Variants in PHF12 observed in about 807,000 individuals in gnomAD.
PHF12 encodes PHD factor 1.
In PHF12, 6 loss-of-function variants were observed where a neutral mutation model predicts 99.8. The ratio of observed to expected loss-of-function variants is 0.06; its 90% CI spans 0.03 to 0.12. PHF12 has a LOEUF of 0.12. Ranked by LOEUF, PHF12 falls within the 10% of genes least tolerant of loss-of-function variation. PHF12 has a pLI of 1.00. For missense variants in PHF12, 954 were observed against 1,300.1 expected, an observed-to-expected ratio of 0.73 and a Z score of 4.09; for synonymous variants, 480 against 514.9, an observed-to-expected ratio of 0.93 and a Z score of 0.92.
At chr17:28,927,212 A>G (rs2040296464) in intron 2 of PHF12, 149 bp from the exon 3 acceptor site, 1 of 671,496 alleles carries the variant, frequency 1.5e-6, no homozygotes, top group African/African-American at 1.8e-5. Flanking sequence ...CTAAGTCAGC[A>G]TCACTCATAA....
intron 9 of PHF12, among the ~76,000 whole-genome samples, chr17:28,911,938 A>G (rs558847866): frequency 6.6e-6 from 1 of 152,374 alleles, no homozygotes; most frequent in African/African-American, 2.4e-5. Context: ...TCTGGGCTAG[A>G]ACAATCCCTG....
At chr17:28,942,937 T>C (rs918604325) in intron 2 of PHF12, among the ~76,000 whole-genome samples, 1 of 152,094 alleles carries the variant, frequency 6.6e-6, no homozygotes, top group African/African-American at 2.4e-5. Flanking sequence ...AACTTATATT[T>C]ACAACATATA....
chr17:28,929,000 G>A (rs1183416622), intron 2 of PHF12, among the ~76,000 whole-genome samples: 1 of 151,828 alleles, frequency 6.6e-6, no homozygotes, highest in Non-Finnish European at 1.5e-5. Context: ...GGAGGCCGAG[G>A]CAGGAGAATC....
Position 28,907,573 on chromosome 17 carries a change from G to A in PHF12, c.2541+17C>T, listed in dbSNP as rs778656865. Reference sequence around the variant, plus strand: ...CAGGTTGGGAAAGCTCCCTCCCACCGCATCTCCGGCCCTCACCTCATCGTA... The same window carrying A: ...CAGGTTGGGAAAGCTCCCTCCCACCACATCTCCGGCCCTCACCTCATCGTA... On this transcript the variant is annotated intron_variant, in intron 13 of 14. Coordinates refer to ENST00000332830, the MANE Select transcript of PHF12 (RefSeq NM_001033561.2). 54 of 1,612,612 alleles carry A rather than the reference G, an allele frequency of 3.3e-5. No individual in the cohort carries two copies. The highest frequency in any genetic ancestry group is 3.1e-4 in the East Asian group (14 of 44,842).
Position 28,911,215 on chromosome 17 carries a change from C to T in PHF12, c.2112G>A (p.Thr704=), listed in dbSNP as rs766826853. ...PSSDGKVSPG[T]LSIGSALTVP... ...CGGTTAAAGCGCTTCCTATGGATAA[C>T]GTGCCGGGGCTGACCTTGCCATCTG... The change falls in exon 10 of 15, where the codon ACG becomes ACA. Residue 704 remains threonine, a synonymous_variant. Transcript: ENST00000332830. 5.6e-6 allele frequency: 9 copies of T among 1,613,970 alleles called. No homozygotes were observed. The highest frequency in any genetic ancestry group is 1.6e-4 in the Middle Eastern group (1 of 6,080).
intron 6 of PHF12, 65 bp downstream of exon 6, chr17:28,919,078 T>A: frequency 6.6e-7 from 1 of 1,517,872 alleles, no homozygotes; most frequent in Non-Finnish European, 8.9e-7. Context: ...TTAATATGCT[T>A]TCTGCTAATC....
Position 28,921,462 on chromosome 17 carries a change from C to T in PHF12, c.836+226G>A, listed in dbSNP as rs116057463. Among the ~76,000 whole-genome samples the T allele has an allele frequency of 5.8e-3, 887 of 152,294 alleles. 9 individuals are homozygous for T. Among genetic ancestry groups the T allele is most frequent in the African/African-American group, 0.02 (830 of 41,564 alleles). On this transcript the variant is annotated intron_variant, in intron 5 of 14. Coordinates refer to ENST00000332830, the MANE Select transcript of PHF12 (RefSeq NM_001033561.2). The stretch of plus-strand genomic sequence containing the variant: ...GATTACAGGCATAAGCCACCGTGCT[C>T]GGCCTCAACACAGTTCACAGTACTC...
intron 2 of PHF12, among the ~76,000 whole-genome samples, chr17:28,930,845 T>C (rs552860330): frequency 1.3e-5 from 2 of 151,938 alleles, no homozygotes; most frequent in Non-Finnish European, 2.9e-5. Flanking sequence ...CCGAGGTGGG[T>C]GGATTGCTTG....
intron 2 of PHF12, among the ~76,000 whole-genome samples, chr17:28,948,703 T>C (rs1287246841): frequency 6.6e-6 from 1 of 151,572 alleles, no homozygotes; most frequent in African/African-American, 2.4e-5. Context: ...AACCGAGAGA[T>C]GGAACGTGAA....
intron 10 of PHF12, 85 bp downstream of exon 10, chr17:28,911,026 TC>T: frequency 6.4e-7 from 1 of 1,571,512 alleles, no homozygotes; most frequent in Non-Finnish European, 8.7e-7. Context: ...GTCCCTTCCC[TC>T]CCTTTCTGAA....
intron 10 of PHF12, 89 bp from the exon 11 acceptor site, chr17:28,910,458 A>C (rs2152656259): frequency 6.9e-7 from 1 of 1,444,888 alleles, no homozygotes; most frequent in Middle Eastern, 2.6e-4. Flanking sequence ...ATAGTTTGGC[A>C]TTTCTAAAAT....
Position 28,906,163 on chromosome 17 carries a change from T to C in PHF12, c.*20A>G, listed in dbSNP as rs777980282. 4.6e-6 allele frequency: 7 copies of C among 1,538,038 alleles called. No individual in the cohort carries two copies. Among genetic ancestry groups the C allele is most frequent in the Non-Finnish European group, 2.6e-6 (3 of 1,137,378 alleles). ...AGTCTTGGGTGGGTGTACAGGCCAG[T>C]GGCGGGGTAGCCGCCAGTCCTAAGG... On this transcript the variant is annotated 3_prime_UTR_variant, in exon 15 of 15. Transcript: ENST00000332830. This position sits in a 1 kb window ranked among gnomAD's most constrained non-coding sequence, Gnocchi z 4.2.
chr17:28,935,711 GT>G (rs2040497528), intron 2 of PHF12, among the ~76,000 whole-genome samples: 1 of 152,194 alleles, frequency 6.6e-6, no homozygotes, highest in African/African-American at 2.4e-5. Context: ...GTGGCTCTCT[GT>G]GAGGCCTAGA....
chr17:28,913,718 A>C (rs552263876), intron 8 of PHF12, among the ~76,000 whole-genome samples, 161 bp downstream of exon 8: 1 of 152,134 alleles, frequency 6.6e-6, no homozygotes, highest in Admixed American at 6.5e-5. Flanking sequence ...TGCCTTTGGG[A>C]TTTGAGCCAG....
At position 28,950,345 on chromosome 17, in the gene PHF12, C is replaced by A. The variant is rs147098834; in HGVS notation, c.67-99G>T. ...TCTCCGTCACCCACCCCTCTCCCCC[C>A]TTTTGTCCTTCTTCCTCCCATCCAG... On this transcript the variant is annotated intron_variant, in intron 1 of 14. Coordinates refer to ENST00000332830, the MANE Select transcript of PHF12 (RefSeq NM_001033561.2). This position sits in a 1 kb window ranked among gnomAD's most constrained non-coding sequence, Gnocchi z 5.7. 1.4e-5 allele frequency: 18 copies of A among 1,309,560 alleles called. No homozygotes were observed. In the Admixed American group the frequency reaches 3.7e-4, roughly 27 times the overall value. The allele number at this position is 1,309,560 out of a possible 1,614,324, so 81.1% of individuals were successfully genotyped here.
intron 2 of PHF12, among the ~76,000 whole-genome samples, chr17:28,937,264 GCTTT>G (rs1307087155): frequency 4.6e-5 from 7 of 152,196 alleles, no homozygotes; most frequent in Non-Finnish European, 1.0e-4. Context: ...GTGGGCATCA[GCTTT>G]TCTCTTCAAG....
In PHF12 at chr17:28,912,582, G is replaced by C; in HGVS notation, c.1989C>G (p.Pro663=). The C allele has an allele frequency of 3.7e-6, 6 of 1,614,228 alleles. No homozygotes were observed. The highest frequency in any genetic ancestry group is 5.1e-6 in the Non-Finnish European group (6 of 1,180,036). The part of the protein sequence containing the change: ...PLTDSRPLGS[P]PNATRVLTPP... The stretch of plus-strand genomic sequence containing the variant: ...GAGTGAGCACCCGGGTGGCGTTTGG[G>C]GGTGAGCCCAGTGGCCTTGAATCTG... Residue 663 remains proline (P), a synonymous_variant, in exon 9 of 15, where the codon CCC becomes CCG. Coordinates refer to ENST00000332830, the MANE Select transcript of PHF12 (RefSeq NM_001033561.2).
Position 28,950,794 on chromosome 17 carries a change from C to T in PHF12, c.66+101G>A. 6.6e-7 allele frequency: 1 copy of T among 1,508,238 alleles called. No homozygotes were observed. Among genetic ancestry groups the T allele is most frequent in the South Asian group, 1.3e-5 (1 of 79,508 alleles). 93.4% of individuals were successfully genotyped at this position (1,508,238 alleles called of 1,614,324 possible). A position where few individuals can be genotyped will look rare whatever the true frequency, so the allele number is the denominator to read the frequency against. ...TAGGTGAGGAAGAATCCCCCTCCCT[C>T]GGCCATCTAGGCGCTTCGAGTTTAG... On this transcript the variant is annotated intron_variant, in intron 1 of 14. Coordinates refer to ENST00000332830, the MANE Select transcript of PHF12 (RefSeq NM_001033561.2). This position sits in a 1 kb window ranked among gnomAD's most constrained non-coding sequence, Gnocchi z 5.7.
chr17:28,920,092 T>C (rs545986866), intron 5 of PHF12, among the ~76,000 whole-genome samples: 1 of 152,312 alleles, frequency 6.6e-6, no homozygotes, highest in African/African-American at 2.4e-5. Context: ...GGAAAGATGA[T>C]TTTGTAATGT....
Sources: allele counts gnomAD v4.1 joint callset (sites outside exome capture counted in the v4.1 genomes callset), GRCh38; gene constraint gnomAD v4.1.1; non-coding constraint Gnocchi (gnomAD v3.1); transcripts MANE v1.5; gene names NCBI Gene and HGNC (gene_info 2026-07-23, HGNC 2026-07-21).